Variants in ANXA4 observed in about 807,000 individuals in gnomAD.
ANXA4 encodes annexin A4.
A neutral mutation model predicts 49.8 loss-of-function variants in ANXA4; 39 were observed. The observed-to-expected ratio is 0.78, with a 90% CI of 0.61 to 1.02. The LOEUF is 1.02. ANXA4 is among the 50% of genes least tolerant of loss of function. ANXA4 has a pLI of 0.00. For missense variants in ANXA4, 360 were observed against 410.1 expected (o/e 0.88, Z 1.05); for synonymous variants, 134 against 152.5 (o/e 0.88, Z 0.89).
intron 8 of ANXA4, among the ~76,000 whole-genome samples, chr2:69,814,317 C>G (rs1673855151): frequency 6.7e-6 from 1 of 148,426 alleles, no homozygotes; most frequent in African/African-American, 2.5e-5. Flanking sequence ...AGATCAGTGT[C>G]ACTTCCACTA....
intron 2 of ANXA4, among the ~76,000 whole-genome samples, chr2:69,690,453 G>A (rs1677925522): frequency 6.6e-6 from 1 of 152,062 alleles, no homozygotes; most frequent in African/African-American, 2.4e-5. Context: ...TGACCAGACT[G>A]GTCTTGAACT....
chr2:69,777,901 GATAATAAAT>G (rs1292027302), intron 1 of ANXA4, among the ~76,000 whole-genome samples: 1 of 152,196 alleles, frequency 6.6e-6, no homozygotes, highest in Non-Finnish European at 1.5e-5. Flanking sequence ...TGAAGGGCCA[GATAATAAAT>G]ATTCTTAGCT....
chr2:69,656,391 G>A (rs796432239), intron 2 of ANXA4, among the ~76,000 whole-genome samples: 21 of 73,044 alleles, frequency 2.9e-4, no homozygotes, highest in Non-Finnish European at 4.5e-4. Context: ...ATATATATGT[G>A]TATATATATG....
At position 69,762,484 on chromosome 2, in the gene ANXA4, G is replaced by A. The variant is rs190145703; in HGVS notation, c.-46-19036G>A. On this transcript the variant is annotated intron_variant, in intron 1 of 12. Transcript: ENST00000394295. Reference sequence around the variant, plus strand: ...TCAGCTTTACAGCAGAGGAGGGATTGTAATGGGCCTGGTCTAATTCCCAGT... The same window carrying A: ...TCAGCTTTACAGCAGAGGAGGGATTATAATGGGCCTGGTCTAATTCCCAGT... Among the ~76,000 whole-genome samples the A allele has an allele frequency of 2.2e-4, 34 of 152,204 alleles. No individual in the cohort carries two copies. The East Asian group carries it at 6.2e-3, about 28-fold the overall frequency.
At chr2:69,762,935 G>T (rs1055400930) in intron 1 of ANXA4, among the ~76,000 whole-genome samples, 1 of 152,066 alleles carries the variant, frequency 6.6e-6, no homozygotes, top group African/African-American at 2.4e-5. Flanking sequence ...CCGTAAGTCC[G>T]TTTCACTTCC....
At chr2:69,782,429 T>C (rs982894383) in intron 2 of ANXA4, among the ~76,000 whole-genome samples, 2 of 152,236 alleles carry the variant, frequency 1.3e-5, no homozygotes, top group Non-Finnish European at 2.9e-5. Context: ...CTTATTCATG[T>C]GTGCCCCAAA....
intron 1 of ANXA4, among the ~76,000 whole-genome samples, chr2:69,774,605 G>A (rs1671891027): frequency 6.6e-6 from 1 of 151,280 alleles, no homozygotes; most frequent in Admixed American, 6.6e-5. Context: ...CTCCCAAAGT[G>A]CAGAGATTAC....
intron 1 of ANXA4, among the ~76,000 whole-genome samples, chr2:69,757,264 ATATTTTTT>A (rs1229997684): frequency 0.019 from 519 of 27,886 alleles, 3 homozygotes; most frequent in East Asian, 0.11. Flanking sequence ...ATATATATAT[ATATTTTTT>A]TTTTTTTTTT....
In ANXA4 at chr2:69,826,611, T is replaced by G. The variant is rs989472681; in HGVS notation, c.*1096T>G. 7.9e-5 allele frequency: 12 copies of G among 152,060 alleles called. No homozygotes were observed. The highest frequency in any genetic ancestry group is 1.6e-4 in the Non-Finnish European group (11 of 68,008). 9.4% of individuals were successfully genotyped at this position (152,060 alleles called of 1,614,324 possible). On this transcript the variant is annotated 3_prime_UTR_variant, in exon 13 of 13. Coordinates refer to ENST00000394295, the MANE Select transcript of ANXA4 (RefSeq NM_001153.5). ...ACTAGCCTGGCCAACATGGAGAAAC[T>G]GCATCTCTACTAAAAATATAAAAAT... is the stretch of plus-strand genomic sequence containing the variant.
chr2:69,805,258 C>CA, intron 4 of ANXA4, among the ~76,000 whole-genome samples: 1 of 152,008 alleles, frequency 6.6e-6, no homozygotes, highest in East Asian at 1.9e-4. Context: ...CACAAAGATA[C>CA]AACTAAATGC....
At chr2:69,652,539 G>T (rs1676290977) in intron 1 of ANXA4, among the ~76,000 whole-genome samples, 1 of 152,134 alleles carries the variant, frequency 6.6e-6, no homozygotes, top group Non-Finnish European at 1.5e-5. Flanking sequence ...AAAACCGGTT[G>T]TGCTGACTGG....
intron 2 of ANXA4, among the ~76,000 whole-genome samples, chr2:69,783,107 T>G (rs545017930): frequency 7.5e-4 from 114 of 152,358 alleles, no homozygotes; most frequent in African/African-American, 2.6e-3. Flanking sequence ...ATCTTATGCT[T>G]TATCTCTTCT....
intron 2 of ANXA4, among the ~76,000 whole-genome samples, chr2:69,691,573 GCACA>G (rs10590162): frequency 0.24 from 35,191 of 149,380 alleles, 7,904 homozygotes; most frequent in African/African-American, 0.6. Context: ...ACACACACAT[GCACA>G]CACACACACA....
intron 1 of ANXA4, among the ~76,000 whole-genome samples, chr2:69,774,076 G>T (rs948998146): frequency 3.3e-5 from 5 of 152,090 alleles, no homozygotes; most frequent in Non-Finnish European, 7.4e-5. Flanking sequence ...GCCCGCCCCT[G>T]CCTCCCACAA....
At chr2:69,741,804 A>G (rs115803588), upstream of ANXA4, among the ~76,000 whole-genome samples, 5,229 of 152,256 alleles carry the variant, frequency 0.034, 298 homozygotes, top group African/African-American at 0.12. Context: ...CGGGACCCCA[A>G]GAATCCAACT....
chr2:69,792,619 A>T (rs72839847), intron 3 of ANXA4, among the ~76,000 whole-genome samples: 29,329 of 151,262 alleles, frequency 0.19, 3,223 homozygotes, highest in East Asian at 0.33. Context: ...GTTTTTTTTT[A>T]CAATTTGCTT....
At chr2:69,699,224 A>C (rs1678255936) in intron 2 of ANXA4, among the ~76,000 whole-genome samples, 1 of 152,202 alleles carries the variant, frequency 6.6e-6, no homozygotes, top group Non-Finnish European at 1.5e-5. Context: ...GAGCCAGGGT[A>C]AACTTTGGTC....
At chr2:69,718,757 ACACACATACACACACATT>A (rs1428340468) in intron 2 of ANXA4, among the ~76,000 whole-genome samples, 11 of 143,406 alleles carry the variant, frequency 7.7e-5, no homozygotes, top group African/African-American at 3.2e-4. Context: ...ACATGCATAC[ACACACATACACACACATT>A]CACACACATG....
At chr2:69,678,156 C>T (rs1008307726) in intron 2 of ANXA4, among the ~76,000 whole-genome samples, 6 of 152,070 alleles carry the variant, frequency 3.9e-5, no homozygotes, top group Admixed American at 6.6e-5. Context: ...TATCTGTACA[C>T]GTTTTGCCCC....
Sources: gnomAD v4.1 joint callset for allele counts (sites outside exome capture counted in the v4.1 genomes callset) on GRCh38, gnomAD v4.1.1 for gene constraint, MANE v1.5 for transcripts, NCBI Gene and HGNC (gene_info 2026-07-23, HGNC 2026-07-21) for gene names.